The following IGSF21 variants were observed in gnomAD, a reference collection of about 807,000 sequenced individuals.
The protein encoded by IGSF21 is immunoglobin superfamily member 21.
In IGSF21, 28 loss-of-function variants were observed where a neutral mutation model predicts 46.8. The observed-to-expected ratio is 0.60, with a 90% CI of 0.44 to 0.82. The LOEUF (loss-of-function observed/expected upper bound fraction) is 0.82. Among genes scored for constraint, IGSF21 ranks in the 40% least tolerant of loss-of-function variants. The pLI, the probability that IGSF21 is intolerant of heterozygous loss-of-function variation, is 0.00. For synonymous variants in IGSF21, 284 were observed against 273.6 expected, an observed-to-expected ratio of 1.04 and a Z score of -0.38; for missense variants, 624 against 665.5, an observed-to-expected ratio of 0.94 and a Z score of 0.69.
intron 3 of IGSF21, among the ~76,000 whole-genome samples, chr1:18,310,887 C>T (rs1365365818): frequency 6.6e-6 from 1 of 152,146 alleles, no homozygotes; most frequent in African/African-American, 2.4e-5. Context: ...AACTCCACCT[C>T]CATCATCACA....
intron 4 of IGSF21, among the ~76,000 whole-genome samples, chr1:18,358,750 G>A (rs931829150): frequency 6.6e-6 from 1 of 152,216 alleles, no homozygotes; most frequent in Admixed American, 6.5e-5. Context: ...CCATTTTTCA[G>A]ATCAGGAAAC....
intron 3 of IGSF21, among the ~76,000 whole-genome samples, chr1:18,323,645 G>A (rs1401170706): frequency 1.3e-5 from 2 of 152,112 alleles, no homozygotes; most frequent in African/African-American, 4.8e-5. Context: ...GGTGAGGGGA[G>A]GGCTTAGGGA....
At chr1:18,225,075 TCTCTCTCTCTCA>T (rs1414441925) in intron 1 of IGSF21, among the ~76,000 whole-genome samples, 3 of 40,944 alleles carry the variant, frequency 7.3e-5, no homozygotes, top group African/African-American at 1.4e-4. Flanking sequence ...TCTCTCTCTC[TCTCTCTCTCTCA>T]CACACACACA....
At chr1:18,304,009 G>T (rs1353395500) in intron 3 of IGSF21, among the ~76,000 whole-genome samples, 2 of 152,222 alleles carry the variant, frequency 1.3e-5, no homozygotes, top group Admixed American at 6.5e-5. Flanking sequence ...ATGAAGCAGG[G>T]AGATTGGGGT....
At chr1:18,257,050 G>A (rs943486672) in intron 2 of IGSF21, among the ~76,000 whole-genome samples, 8 of 152,170 alleles carry the variant, frequency 5.3e-5, no homozygotes, top group African/African-American at 1.9e-4. Context: ...TTTCTTGAAA[G>A]CTGATTTTCT....
Position 18,286,530 on chromosome 1 carries a change from G to A in IGSF21, c.184-5336G>A, listed in dbSNP as rs150270895. Among the ~76,000 whole-genome samples, 741 of 152,316 alleles carry A rather than the reference G, an allele frequency of 4.9e-3. 4 individuals carry two copies. Among genetic ancestry groups the A allele is most frequent in the Admixed American group, 8.9e-3 (136 of 15,300 alleles). On this transcript the variant is annotated intron_variant, in intron 2 of 9. Coordinates refer to ENST00000251296, the MANE Select transcript of IGSF21 (RefSeq NM_032880.5). ...CCAGGTGTACGCTTTGCAGAGTTAG[G>A]ATGTTTTCCTGCACAGAATATCATT...
At chr1:18,332,189 C>A (rs2124604017) in intron 3 of IGSF21, among the ~76,000 whole-genome samples, 1 of 152,328 alleles carries the variant, frequency 6.6e-6, no homozygotes. Context: ...TGTCGCTATC[C>A]TATAAACACA....
intron 2 of IGSF21, among the ~76,000 whole-genome samples, chr1:18,287,991 G>T (rs937162092): frequency 1.7e-4 from 26 of 152,090 alleles, no homozygotes; most frequent in Admixed American, 6.6e-5. Context: ...AGAAAGGTGT[G>T]AGTGCTCGTG....
intron 4 of IGSF21, among the ~76,000 whole-genome samples, chr1:18,358,191 C>T (rs996976487): frequency 1.4e-5 from 2 of 143,572 alleles, no homozygotes; most frequent in African/African-American, 5.0e-5. Flanking sequence ...CAAACCTGTG[C>T]TTCTCTCTGA....
intron 1 of IGSF21, among the ~76,000 whole-genome samples, chr1:18,192,367 C>T (rs1043764566): frequency 1.8e-4 from 27 of 152,216 alleles, no homozygotes; most frequent in African/African-American, 5.5e-4. Flanking sequence ...CTCCCTGTGC[C>T]TCAGTTTTCT....
At chr1:18,173,308 C>CA (rs1472980491) in intron 1 of IGSF21, among the ~76,000 whole-genome samples, 1 of 152,198 alleles carries the variant, frequency 6.6e-6, no homozygotes, top group Non-Finnish European at 1.5e-5. Context: ...ACAACAACGA[C>CA]AAAAAATCAG....
chr1:18,221,441 G>A (rs990756719), intron 1 of IGSF21, among the ~76,000 whole-genome samples: 39 of 152,276 alleles, frequency 2.6e-4, no homozygotes, highest in African/African-American at 7.9e-4. Flanking sequence ...CCTGGGGCCA[G>A]GCCTGAGCCA....
chr1:18,206,301 C>A (rs1446460622), intron 1 of IGSF21, among the ~76,000 whole-genome samples: 1 of 152,086 alleles, frequency 6.6e-6, no homozygotes, highest in East Asian at 1.9e-4. Flanking sequence ...GCAATCCCAG[C>A]ACTTTGGGAG....
chr1:18,187,409 G>A (rs1421267681), intron 1 of IGSF21, among the ~76,000 whole-genome samples: 6 of 152,162 alleles, frequency 3.9e-5, no homozygotes, highest in African/African-American at 9.7e-5. Context: ...GTAGTTCTAC[G>A]TGGCTGGGGA....
intron 1 of IGSF21, among the ~76,000 whole-genome samples, chr1:18,139,401 C>G (rs926266923): frequency 6.6e-6 from 1 of 152,186 alleles, no homozygotes; most frequent in Admixed American, 6.5e-5. Flanking sequence ...AGCACCTCCC[C>G]CTGCTGGAAG....
rs141199332 is a variant in IGSF21, at chr1:18,335,645, G to A, written c.424+635G>A. ...TGTTCTTGTCAGATACACACCTTTG[G>A]ATTCTGGCTCTATTGCAAGGATGCT... On this transcript the variant is annotated intron_variant, in intron 4 of 9. Coordinates refer to ENST00000251296, the MANE Select transcript of IGSF21 (RefSeq NM_032880.5). The surrounding 1 kb of genome is among the most constrained non-coding windows in gnomAD (Gnocchi z 4.8). Among the ~76,000 whole-genome samples, 3 of 152,294 alleles carry A rather than the reference G, an allele frequency of 2.0e-5. No individual in the cohort carries two copies. In the East Asian group the frequency reaches 5.8e-4, roughly 29 times the overall value.
At chr1:18,144,277 G>C (rs1570264493) in intron 1 of IGSF21, among the ~76,000 whole-genome samples, 1 of 152,108 alleles carries the variant, frequency 6.6e-6, no homozygotes, top group Non-Finnish European at 1.5e-5. Flanking sequence ...AGCCTCAGTC[G>C]AGTTGGAAGG....
At chr1:18,308,370 C>T (rs772340373) in intron 3 of IGSF21, among the ~76,000 whole-genome samples, 10 of 152,146 alleles carry the variant, frequency 6.6e-5, no homozygotes, top group Non-Finnish European at 1.3e-4. Context: ...TCAGCAAACA[C>T]GTAGTGAGCA....
chr1:18,208,397 T>TATATATATATATATATATATATATATATA (rs368652183), intron 1 of IGSF21, among the ~76,000 whole-genome samples: 1,191 of 92,110 alleles, frequency 0.013, 198 homozygotes, highest in Non-Finnish European at 0.02. Context: ...ATATATATAT[T>TATATATATATATATATATATATATATATA]TTTTGAGACG....
Sources: gnomAD v4.1 joint callset for allele counts (sites outside exome capture counted in the v4.1 genomes callset) on GRCh38, gnomAD v4.1.1 for gene constraint, Gnocchi (gnomAD v3.1) non-coding constraint, MANE v1.5 for transcripts, NCBI Gene and HGNC (gene_info 2026-07-23, HGNC 2026-07-21) for gene names.